Variants in RPS6KA2 observed in about 807,000 individuals in gnomAD.
RPS6KA2 encodes the protein ribosomal protein S6 kinase A2.
A neutral mutation model predicts 91.8 loss-of-function variants in RPS6KA2; 42 were observed. The ratio of observed to expected loss-of-function variants is 0.46; its 90% CI spans 0.36 to 0.59. The LOEUF (loss-of-function observed/expected upper bound fraction) is 0.59, where lower values mean the gene tolerates loss of function less well. Ranked by LOEUF, RPS6KA2 falls within the 20% of genes least tolerant of loss-of-function variation. RPS6KA2 has a pLI of 0.00. For synonymous variants in RPS6KA2, 414 were observed against 393.6 expected (o/e 1.05, Z -0.61); for missense variants, 798 against 978.5 (o/e 0.82, Z 2.46).
intron 14 of RPS6KA2, among the ~76,000 whole-genome samples, chr6:166,444,247 T>C (rs751019165): frequency 6.6e-6 from 1 of 152,226 alleles, no homozygotes; most frequent in Non-Finnish European, 1.5e-5. Context: ...TGGATCACGA[T>C]TACCTCCAAC....
At chr6:166,505,990 G>A (rs1427346711) in intron 5 of RPS6KA2, among the ~76,000 whole-genome samples, 1 of 152,162 alleles carries the variant, frequency 6.6e-6, no homozygotes, top group Non-Finnish European at 1.5e-5. Flanking sequence ...AACCCCCAAG[G>A]ACAATAGCAG....
intron 10 of RPS6KA2, among the ~76,000 whole-genome samples, chr6:166,479,741 C>A (rs1041507705): frequency 1.3e-5 from 2 of 152,182 alleles, no homozygotes; most frequent in African/African-American, 4.8e-5. Flanking sequence ...GGAAAAGCTC[C>A]CCTTCTGCCC....
rs903058029 is a variant in RPS6KA2 at position 166,508,103 on chromosome 6, G to A, written c.459+100C>T. 3.5e-5 allele frequency: 25 copies of A among 722,852 alleles called. 1 individual carries two copies. The highest frequency in any genetic ancestry group is 3.0e-4 in the South Asian group (18 of 59,070). The allele number at this position is 722,852 out of a possible 1,614,324, so 44.8% of individuals were successfully genotyped here. A position where few individuals can be genotyped will look rare whatever the true frequency, so the allele number is the denominator to read the frequency against. On this transcript the variant is annotated intron_variant, in intron 5 of 20. Coordinates refer to ENST00000265678, the MANE Select transcript of RPS6KA2 (RefSeq NM_021135.6). This position sits in a 1 kb window ranked among gnomAD's most constrained non-coding sequence, Gnocchi z 4.3. ...CCCCCACACACACACACGCACTCTC[G>A]CACGTGCTCACGTCCTCTCAATGCT...
At position 166,821,967 on chromosome 6, in the gene RPS6KA2, C is replaced by T. The variant is rs1432792611; in HGVS notation, c.123+36233G>A. ...GAATCCCTCTCCCTCAGCCTCCCAT[C>T]AAATGCGTTGGCAAGTCTGACAGCC... is the stretch of plus-strand genomic sequence containing the variant. On this transcript the variant is annotated intron_variant, in intron 2 of 21. Coordinates refer to the RPS6KA2 transcript ENST00000503859. The surrounding 1 kb of genome is among the most constrained non-coding windows in gnomAD (Gnocchi z 4.1). Among the ~76,000 whole-genome samples the T allele has an allele frequency of 1.3e-5, 2 of 152,152 alleles. No individual in the cohort carries two copies. Among genetic ancestry groups the T allele is most frequent in the Non-Finnish European group, 2.9e-5 (2 of 68,032 alleles).
chr6:166,488,886 T>C lies in RPS6KA2; in HGVS notation c.854A>G (p.Glu285Gly). ...GAGAGCTCGCAGCAAACTCTGTGCC[T>C]CCCCACTGAGGAACTGCGGCATCCC... ...KLGMPQFLSG[E>G]AQSLLRALFK... Residue 285 changes from glutamate (E) to glycine (G), a missense_variant, in exon 10 of 21, where the codon GAG becomes GGG. By Grantham distance (98) the Glu-to-Gly change is moderately conservative. Transcript: ENST00000265678. 3 of 1,613,710 alleles carry C rather than the reference T, an allele frequency of 1.9e-6. No individual in the cohort carries two copies. Among genetic ancestry groups the C allele is most frequent in the Non-Finnish European group, 2.5e-6 (3 of 1,179,862 alleles).
At chr6:166,460,055 G>T (rs973430945) in intron 11 of RPS6KA2, among the ~76,000 whole-genome samples, 3 of 152,328 alleles carry the variant, frequency 2.0e-5, no homozygotes, top group East Asian at 1.9e-4. Flanking sequence ...GCCACCCCAG[G>T]GTGCTCTCTT....
At chr6:166,531,387 G>T (rs968261912) in intron 2 of RPS6KA2, 74 bp from the exon 3 acceptor site, 4 of 1,091,078 alleles carry the variant, frequency 3.7e-6, no homozygotes, top group African/African-American at 1.6e-5. Flanking sequence ...TTTGACAAGG[G>T]GATACACAAG....
intron 12 of RPS6KA2, among the ~76,000 whole-genome samples, chr6:166,455,515 T>A (rs1439594153): frequency 1.3e-5 from 2 of 152,186 alleles, no homozygotes; most frequent in Admixed American, 1.3e-4. Flanking sequence ...CCCAGGTAGA[T>A]GCCCACGCGA....
intron 1 of RPS6KA2, among the ~76,000 whole-genome samples, chr6:166,548,408 T>C (rs1783895631): frequency 6.6e-6 from 1 of 152,156 alleles, no homozygotes; most frequent in Non-Finnish European, 1.5e-5. Context: ...GAAAAAACAC[T>C]AAAGTGGGAG....
chr6:166,615,180 T>G (rs1185559818), intron 1 of RPS6KA2, among the ~76,000 whole-genome samples: 2 of 152,148 alleles, frequency 1.3e-5, no homozygotes, highest in Non-Finnish European at 2.9e-5. Context: ...AGTTCAGTTC[T>G]GATAATTAAC....
intron 1 of RPS6KA2, among the ~76,000 whole-genome samples, chr6:166,618,297 C>T (rs1461198577): frequency 2.0e-5 from 3 of 152,192 alleles, no homozygotes; most frequent in Admixed American, 6.5e-5. Flanking sequence ...CAGTCACATA[C>T]GGACAGTAAC....
intron 2 of RPS6KA2, among the ~76,000 whole-genome samples, chr6:166,690,178 G>A (rs1297100713): frequency 1.3e-5 from 2 of 152,206 alleles, no homozygotes; most frequent in South Asian, 2.1e-4. Context: ...CCAGTCTGAC[G>A]TGAGCACCCA....
At chr6:166,774,325 G>T (rs1778556999) in intron 2 of RPS6KA2, among the ~76,000 whole-genome samples, 1 of 152,246 alleles carries the variant, frequency 6.6e-6, no homozygotes, top group East Asian at 1.9e-4. Context: ...TCAGGCAGTT[G>T]ATAGACTCGA....
chr6:166,837,815 C>T (rs1291213567), intron 2 of RPS6KA2, among the ~76,000 whole-genome samples: 2 of 152,230 alleles, frequency 1.3e-5, no homozygotes, highest in Admixed American at 6.5e-5. Flanking sequence ...GTTGTCACTG[C>T]GTTCTAAGTC....
At chr6:166,794,510 T>C (rs1165633249) in intron 2 of RPS6KA2, among the ~76,000 whole-genome samples, 2 of 151,498 alleles carry the variant, frequency 1.3e-5, no homozygotes, top group African/African-American at 2.4e-5. Flanking sequence ...ACTGGGTATA[T>C]ACCCAAAGGA....
intron 2 of RPS6KA2, among the ~76,000 whole-genome samples, chr6:166,839,234 T>C (rs1780397664): frequency 1.3e-5 from 2 of 152,176 alleles, no homozygotes; most frequent in South Asian, 4.1e-4. Context: ...ATTGCTTTTT[T>C]CCTGTAATTA....
intron 2 of RPS6KA2, among the ~76,000 whole-genome samples, chr6:166,815,241 T>G (rs904694449): frequency 3.9e-5 from 6 of 152,150 alleles, no homozygotes; most frequent in Non-Finnish European, 7.4e-5. Context: ...TCTAGAAAAT[T>G]TTTCATCTCT....
chr6:166,474,206 C>A (rs575758702), intron 10 of RPS6KA2, among the ~76,000 whole-genome samples: 15 of 152,220 alleles, frequency 9.9e-5, no homozygotes, highest in African/African-American at 3.4e-4. Context: ...GCAGTCCCAG[C>A]AATGCCAGTA....
chr6:166,790,294 G>A lies in RPS6KA2; in HGVS notation c.123+67906C>T, dbSNP rs188670894. On this transcript the variant is annotated intron_variant, in intron 2 of 21. Transcript: ENST00000503859. ...GAAGACGAAATGAATGAAATGAAGT[G>A]AGAAAGGAAGTTTAGAGAAAAAAGT... 3.2e-3 allele frequency among the ~76,000 whole-genome samples: 490 copies of A among 152,252 alleles called. 1 individual carries two copies. Among genetic ancestry groups the A allele is most frequent in the Middle Eastern group, 0.014 (4 of 294 alleles).
Sources: allele counts gnomAD v4.1 joint callset (sites outside exome capture counted in the v4.1 genomes callset), GRCh38; gene constraint gnomAD v4.1.1; non-coding constraint Gnocchi (gnomAD v3.1); transcripts MANE v1.5; gene names NCBI Gene and HGNC (gene_info 2026-07-23, HGNC 2026-07-21).